MAN2B1: variants seen among roughly 807,000 people sequenced by gnomAD.
MAN2B1 encodes the protein mannosidase alpha class 2B member 1, also known as lysosomal alpha-mannosidase.
MAN2B1 carries 99 observed loss-of-function variants against 127.5 expected under a neutral mutation model. That is an observed-to-expected ratio of 0.78 (90% CI 0.66 to 0.92). The LOEUF is 0.92. Ranked by LOEUF, MAN2B1 falls within the 40% of genes least tolerant of loss-of-function variation. The pLI, the probability that MAN2B1 is intolerant of heterozygous loss-of-function variation, is 0.00. For synonymous variants in MAN2B1, 573 were observed against 568.8 expected (o/e 1.01, Z -0.11); for missense variants, 1,304 against 1,384.8 (o/e 0.94, Z 0.93).
In MAN2B1 at chr19:12,663,321, G is replaced by T; in HGVS notation, c.905C>A (p.Ala302Asp). 6.2e-7 allele frequency: 1 copy of T among 1,614,160 alleles called. No homozygotes were observed. The highest frequency in any genetic ancestry group is 8.5e-7 in the Non-Finnish European group (1 of 1,180,040). The change falls in exon 6 of 24, where the codon GCC (alanine) becomes GAC (aspartate). Residue 302 changes from alanine to aspartate, a missense_variant. By Grantham distance (126) the Ala-to-Asp change is moderately radical. Coordinates refer to ENST00000456935, the MANE Select transcript of MAN2B1 (RefSeq NM_000528.4). The stretch of plus-strand genomic sequence containing the variant: ...GGTTCTGGACACCAGGGTTACCTGG[G>T]CAGTGGCCACATTTAGGAAGTAATC... ...LVDYFLNVAT[A>D]QGRYYRTNHT...
rs1482606098 is a variant in MAN2B1, at chr19:12,647,089, A to T, written c.2923+144T>A. ...TGCCGCACCCATTTCAGATCCTTTA[A>T]GCCCCTAACCTGGGTCTGGACTCTG... On this transcript the variant is annotated intron_variant, in intron 23 of 23. Coordinates refer to ENST00000456935, the MANE Select transcript of MAN2B1 (RefSeq NM_000528.4). This position sits in a 1 kb window ranked among gnomAD's most constrained non-coding sequence, Gnocchi z 4.9. 1.3e-6 allele frequency: 1 copy of T among 761,118 alleles called. No individual in the cohort carries two copies. Among genetic ancestry groups the T allele is most frequent in the East Asian group, 2.5e-5 (1 of 39,486 alleles). 47.1% of individuals were successfully genotyped at this position (761,118 alleles called of 1,614,324 possible).
rs1407475487 is a variant in MAN2B1, at chr19:12,666,621, G to A, written c.81C>T (p.Ala27=). The part of the protein sequence containing the change: ...DSAGPWTMSR[A]LRPPLPPLCF... Reference sequence around the variant, plus strand: ...AGAGAGGCGGGAGCGGTGGCCGCAGGGCGCGGGACATGGTCCAGGGGCCTG... The same window carrying A: ...AGAGAGGCGGGAGCGGTGGCCGCAGAGCGCGGGACATGGTCCAGGGGCCTG... The change falls in exon 1 of 24, where the codon GCC becomes GCT. Residue 27 remains alanine, a synonymous_variant. Coordinates refer to ENST00000456935, the MANE Select transcript of MAN2B1 (RefSeq NM_000528.4). 5 of 1,557,254 alleles carry A rather than the reference G, an allele frequency of 3.2e-6. No individual in the cohort carries two copies. In the Admixed American group the frequency reaches 5.8e-5, roughly 18 times the overall value.
chr19:12,649,922 A>C lies in MAN2B1; in HGVS notation c.2258T>G (p.Leu753Arg), dbSNP rs2023801635. 1 of 1,566,550 alleles carries C rather than the reference A, an allele frequency of 6.4e-7. No homozygotes were observed. The highest frequency in any genetic ancestry group is 8.7e-7 in the Non-Finnish European group (1 of 1,154,164). Residue 753 changes from leucine to arginine, a missense_variant, in exon 18 of 24, where the codon CTG becomes CGG. Transcript: ENST00000456935. The part of the protein sequence containing the change: ...FYTDSNGREI[L>R]ERRRDYRPTW... ...CTCAGTCACCCCCCACCTCCTCTCC[A>C]GGATCTCCCGGCCATTGCTGTCTGT...
At chr19:12,649,854 C>CCCCCCCCGG in intron 18 of MAN2B1, 59 bp downstream of exon 18, 2 of 1,361,606 alleles carry the variant, frequency 1.5e-6, no homozygotes, top group Non-Finnish European at 1.0e-6. Context: ...TTTCCCTCAC[C>CCCCCCCCGG]ACCCCTGGGC....
chr19:12,660,752 ATTTTTT>A (rs1168857464), intron 7 of MAN2B1: 4 of 102,248 alleles, frequency 3.9e-5, no homozygotes, highest in South Asian at 2.1e-4. Flanking sequence ...CTCAGGCTGG[ATTTTTT>A]TTTTTTTTTT....
chr19:12,658,036 T>C (rs764959440), intron 10 of MAN2B1, 27 bp downstream of exon 10: 2 of 1,546,934 alleles, frequency 1.3e-6, no homozygotes, highest in Non-Finnish European at 1.8e-6. Context: ...GCCGCAAACC[T>C]CTTCCCCTCT....
chr19:12,663,469 G>C lies in MAN2B1; in HGVS notation c.764-7C>G. ...TAACCATTGGGAAGCACACCTGCAG[G>C]TCACACCAAGTTCAAGGGGTGGCCC... On this transcript the variant is annotated splice_polypyrimidine_tract_variant and splice_region_variant and intron_variant, in intron 5 of 23. Transcript: ENST00000456935. The C allele has an allele frequency of 6.2e-7, 1 of 1,613,574 alleles. No homozygotes were observed. The highest frequency in any genetic ancestry group is 1.1e-5 in the South Asian group (1 of 91,088).
Position 12,651,322 on chromosome 19 carries a change from G to C in MAN2B1, c.2046+831C>G, listed in dbSNP as rs1329859586. 3.3e-5 allele frequency among the ~76,000 whole-genome samples: 5 copies of C among 152,112 alleles called. No individual in the cohort carries two copies. In the East Asian group the frequency reaches 9.6e-4, roughly 29 times the overall value. ...GGTGTCAACAATGTTCCTTGCCCCT[G>C]TCCCTCTGCTACTGACTCAAACACA... On this transcript the variant is annotated intron_variant, in intron 16 of 23. Transcript: ENST00000456935.
chr19:12,650,227 G>A lies in MAN2B1; in HGVS notation c.2047-5C>T, dbSNP rs200424566. 104 of 1,585,290 alleles carry A rather than the reference G, an allele frequency of 6.6e-5. No individual in the cohort carries two copies. Among genetic ancestry groups the A allele is most frequent in the East Asian group, 2.9e-4 (13 of 44,726 alleles). On this transcript the variant is annotated splice_polypyrimidine_tract_variant and splice_region_variant and intron_variant, in intron 16 of 23. Coordinates refer to ENST00000456935, the MANE Select transcript of MAN2B1 (RefSeq NM_000528.4). ...CACCTCCTGCACCAAGGGTGTCTGC[G>A]GGCACACGGGTGAGGTGGATGTCAG...
chr19:12,663,870 G>T, intron 4 of MAN2B1, 35 bp from the exon 5 acceptor site: 1 of 1,613,670 alleles, frequency 6.2e-7, no homozygotes. Flanking sequence ...GTGTGAATTA[G>T]TGCCCAGCCC....
chr19:12,665,821 A>G lies in MAN2B1; in HGVS notation c.160-16T>C. 6.3e-7 allele frequency: 1 copy of G among 1,598,748 alleles called. No individual in the cohort carries two copies. The highest frequency in any genetic ancestry group is 1.1e-5 in the South Asian group (1 of 90,798). ...TGGGGCATGTCTGCACAGGGACCCC[A>G]AACACACATACCTTGTCAATAACCC... On this transcript the variant is annotated splice_polypyrimidine_tract_variant and intron_variant, in intron 1 of 23. Coordinates refer to ENST00000456935, the MANE Select transcript of MAN2B1 (RefSeq NM_000528.4).
Position 12,657,432 on chromosome 19 carries a change from CTCG to C in MAN2B1, c.1419+11_1419+13del, listed in dbSNP as rs2023993632. 1.3e-6 allele frequency: 2 copies of C among 1,546,766 alleles called. No homozygotes were observed. The highest frequency in any genetic ancestry group is 1.7e-6 in the Non-Finnish European group (2 of 1,145,548). ...GTCTCCACCCCCGTGTCTCCCAAGT[CTCG>C]CCCCGCGCACCTCGCAAGGCCCCCA... On this transcript the variant is annotated intron_variant, in intron 11 of 23. Coordinates refer to ENST00000456935, the MANE Select transcript of MAN2B1 (RefSeq NM_000528.4).
In MAN2B1 at chr19:12,649,206, A is replaced by C. The variant is rs2023775839; in HGVS notation, c.2366T>G (p.Met789Arg). The change falls in exon 20 of 24, where the codon ATG becomes AGG. Residue 789 changes from methionine to arginine, a missense_variant. Met to Arg is a moderately conservative substitution (Grantham distance 91). Coordinates refer to ENST00000456935, the MANE Select transcript of MAN2B1 (RefSeq NM_000528.4). Reference sequence around the variant, plus strand: ...GCGGTCAGTCAGCACAGTCAGCTGCATGTTTCCATCCTGGGAGTTGAAGGG... The same window carrying C: ...GCGGTCAGTCAGCACAGTCAGCTGCCTGTTTCCATCCTGGGAGTTGAAGGG... ...NTRIYITDGN[M>R]QLTVLTDRSQ... 1.9e-6 allele frequency: 3 copies of C among 1,613,418 alleles called. No individual in the cohort carries two copies. The highest frequency in any genetic ancestry group is 2.2e-5 in the South Asian group (2 of 91,046).
intron 7 of MAN2B1, among the ~76,000 whole-genome samples, chr19:12,660,617 G>A (rs570183124): frequency 1.1e-3 from 172 of 152,286 alleles, no homozygotes; most frequent in Middle Eastern, 3.4e-3. Flanking sequence ...TGAAGATGGA[G>A]CCAAGAATAG....
chr19:12,650,257 T>C (rs754071126), intron 16 of MAN2B1, 35 bp from the exon 17 acceptor site: 1 of 1,389,040 alleles, frequency 7.2e-7, no homozygotes, highest in Non-Finnish European at 1.0e-6. Context: ...TGTCAGTCTG[T>C]ACCTGAGCAG....
chr19:12,649,371 G>C lies in MAN2B1; in HGVS notation c.2325C>G (p.Tyr775Ter). Residue 775 changes from tyrosine to a stop codon, truncating the protein, a stop_gained, in exon 19 of 24, where the codon TAC becomes TAG. Coordinates refer to ENST00000456935, the MANE Select transcript of MAN2B1 (RefSeq NM_000528.4). LOFTEE classifies it high-confidence loss of function. ...LNQTEPVAGN[Y>*]YPVNTRIYIT... is the part of the protein sequence containing the mutation. ...TGTAAATCCGGGTGTTGACTGGATA[G>C]TAGTTTCCTGCCACGGGCTCCGTCT... 1.2e-6 allele frequency: 2 copies of C among 1,612,676 alleles called. No individual in the cohort carries two copies. Among genetic ancestry groups the C allele is most frequent in the Non-Finnish European group, 1.7e-6 (2 of 1,179,350 alleles).
intron 13 of MAN2B1, chr19:12,656,172 G>A (rs2023951388): frequency 2.2e-6 from 1 of 461,850 alleles, no homozygotes; most frequent in African/African-American, 2.0e-5. Context: ...TTTGGGGGAG[G>A]ACGTTTTCTG....
chr19:12,663,211 C>CA, intron 6 of MAN2B1, 106 bp downstream of exon 6: 5 of 1,421,974 alleles, frequency 3.5e-6, no homozygotes, highest in Non-Finnish European at 4.9e-6. Flanking sequence ...AAGACTGTCT[C>CA]AAAAAAATTA....
At chr19:12,658,734 A>C in intron 7 of MAN2B1, 1 of 574,410 alleles carries the variant, frequency 1.7e-6, no homozygotes. Flanking sequence ...AATAAACCTG[A>C]AATTTTACTA....
Sources: gnomAD v4.1 joint callset for allele counts (sites outside exome capture counted in the v4.1 genomes callset) on GRCh38, gnomAD v4.1.1 for gene constraint, Gnocchi (gnomAD v3.1) non-coding constraint, MANE v1.5 for transcripts, NCBI Gene and HGNC (gene_info 2026-07-23, HGNC 2026-07-21) for gene names.